CEP85L: variants seen among roughly 807,000 people sequenced by gnomAD.
CEP85L encodes the protein centrosomal protein 85L.
In CEP85L, 60 loss-of-function variants were observed where a neutral mutation model predicts 100.3. The ratio of observed to expected loss-of-function variants is 0.60; its 90% CI spans 0.49 to 0.74. CEP85L has a LOEUF of 0.74. CEP85L is among the 30% of genes least tolerant of loss of function. CEP85L has a pLI of 0.00. For missense variants in CEP85L, 973 were observed against 936.2 expected (o/e 1.04, Z -0.51); for synonymous variants, 319 against 322.7 (o/e 0.99, Z 0.12).
At chr6:118,648,054 G>A (rs1400218562) in intron 1 of CEP85L, among the ~76,000 whole-genome samples, 2 of 151,884 alleles carry the variant, frequency 1.3e-5, no homozygotes, top group African/African-American at 2.4e-5. Flanking sequence ...AGGAGTTCGC[G>A]ACCAGCATGG....
chr6:118,507,896 C>T (rs1775751218), intron 5 of CEP85L, among the ~76,000 whole-genome samples: 1 of 152,180 alleles, frequency 6.6e-6, no homozygotes, highest in South Asian at 2.1e-4. Flanking sequence ...TGCGAATCAA[C>T]ACACTGCAAC....
chr6:118,465,618 A>G, intron 12 of CEP85L, 50 bp from the exon 13 acceptor site: 1 of 1,571,246 alleles, frequency 6.4e-7, no homozygotes, highest in Non-Finnish European at 8.7e-7. Flanking sequence ...TTGAACAAAG[A>G]CATTTTAGAA....
intron 2 of CEP85L, among the ~76,000 whole-genome samples, chr6:118,567,197 GAATATATATGTA>G (rs1779561582): frequency 7.7e-6 from 1 of 129,636 alleles, no homozygotes; most frequent in African/African-American, 3.0e-5. Context: ...ATATATGTAT[GAATATATATGTA>G]TGTGTGTGTG....
chr6:118,484,119 G>A lies in CEP85L; in HGVS notation c.1438-261C>T, dbSNP rs1207990374. 2.6e-5 allele frequency among the ~76,000 whole-genome samples: 4 copies of A among 152,108 alleles called. No individual in the cohort carries two copies. In the East Asian group the frequency reaches 7.7e-4, roughly 29 times the overall value. On this transcript the variant is annotated intron_variant, in intron 6 of 12. Coordinates refer to ENST00000368491, the MANE Select transcript of CEP85L (RefSeq NM_001042475.3). ...GAGGTCAGGAGCTTGAGACCAGCCTGGCCAATATGGCAAAACCCTGTCTCT... is the reference window on the plus strand; with the variant it reads ...GAGGTCAGGAGCTTGAGACCAGCCTAGCCAATATGGCAAAACCCTGTCTCT...
intron 3 of CEP85L, among the ~76,000 whole-genome samples, chr6:118,532,494 G>A (rs1196005324): frequency 6.6e-6 from 1 of 152,068 alleles, no homozygotes; most frequent in African/African-American, 2.4e-5. Context: ...ACCTGGTTAT[G>A]TACCCCTGAA....
At chr6:118,703,815 C>G (rs1306172793) in intron 1 of CEP85L, among the ~76,000 whole-genome samples, 4 of 152,054 alleles carry the variant, frequency 2.6e-5, no homozygotes, top group Non-Finnish European at 5.9e-5. Context: ...AAATAAAATC[C>G]TTAACCAATT....
At chr6:118,480,274 CTATG>C in intron 9 of CEP85L, 118 bp downstream of exon 9, 1 of 548,186 alleles carries the variant, frequency 1.8e-6, no homozygotes, top group Non-Finnish European at 3.1e-6. Context: ...AAACTAGAAA[CTATG>C]TAAGTGATTA....
At chr6:118,533,570 G>GA (rs898611539) in intron 3 of CEP85L, among the ~76,000 whole-genome samples, 5 of 151,664 alleles carry the variant, frequency 3.3e-5, no homozygotes, top group Admixed American at 2.0e-4. Context: ...CTCAGAGGCG[G>GA]AAAAAAAATG....
intron 4 of CEP85L, among the ~76,000 whole-genome samples, chr6:118,521,522 A>G (rs1319009382): frequency 6.6e-6 from 1 of 152,196 alleles, no homozygotes; most frequent in Non-Finnish European, 1.5e-5. Flanking sequence ...TACCCTTCCT[A>G]TATTACTAAT....
In CEP85L at chr6:118,681,744, A is replaced by C. The variant is rs564187873; in HGVS notation, c.-28+28292T>G. Among the ~76,000 whole-genome samples the C allele has an allele frequency of 1.3e-4, 16 of 127,030 alleles. No homozygotes were observed. In the East Asian group the frequency reaches 2.9e-3, roughly 23 times the overall value. 83.3% of individuals were successfully genotyped at this position (127,030 alleles called of 152,430 possible). ...CCTTAATTATTATTCTATTATAATT[A>C]TTTCTTTTTTTTTTTTTTTTTTTGA... On this transcript the variant is annotated intron_variant, in intron 1 of 13. Coordinates refer to the CEP85L transcript ENST00000368488.
chr6:118,693,037 G>A (rs74347282), intron 1 of CEP85L, among the ~76,000 whole-genome samples: 4,290 of 152,314 alleles, frequency 0.028, 93 homozygotes, highest in African/African-American at 0.051. Context: ...TCCAGCTGCT[G>A]AGATGCGGCA....
In CEP85L at chr6:118,546,124, T is replaced by TG. The variant is rs562030433; in HGVS notation, c.1020+19404_1020+19405insC. ...ATTAAAAACAATGTTCAGTTAAAAC[T>TG]AAAATCTAATACTTCCTAGAGTTCC... On this transcript the variant is annotated intron_variant, in intron 3 of 12. Transcript: ENST00000368491. Among the ~76,000 whole-genome samples, 303 of 152,260 alleles carry TG rather than the reference T, an allele frequency of 2.0e-3. 1 individual carries two copies. The highest frequency in any genetic ancestry group is 6.9e-3 in the African/African-American group (287 of 41,556).
intron 4 of CEP85L, among the ~76,000 whole-genome samples, chr6:118,517,086 G>A (rs568046444): frequency 4.5e-4 from 69 of 152,148 alleles, no homozygotes; most frequent in Non-Finnish European, 9.3e-4. Flanking sequence ...TGAGGCCTCT[G>A]TTCTGTTCCA....
rs796333039 is a variant in CEP85L, at chr6:118,616,106, A to AT, written c.232+16346dup. 4.6e-5 allele frequency among the ~76,000 whole-genome samples: 7 copies of AT among 152,326 alleles called. No homozygotes were observed. In the South Asian group the frequency reaches 1.5e-3, roughly 32 times the overall value. On this transcript the variant is annotated intron_variant, in intron 2 of 12. Coordinates refer to ENST00000368491, the MANE Select transcript of CEP85L (RefSeq NM_001042475.3). ...TGGATCACAAATATAATAATAAAAT[A>AT]TTTAAGAAAAAAATGAGAAAATATC...
intron 2 of CEP85L, among the ~76,000 whole-genome samples, chr6:118,578,583 G>C (rs1350687359): frequency 2.0e-5 from 3 of 152,060 alleles, no homozygotes; most frequent in African/African-American, 7.2e-5. Context: ...ACAAAAATTA[G>C]CTGGGCGTGG....
chr6:118,589,910 G>A, intron 2 of CEP85L, among the ~76,000 whole-genome samples: 1 of 152,140 alleles, frequency 6.6e-6, no homozygotes, highest in Non-Finnish European at 1.5e-5. Flanking sequence ...ATTTCTGTTT[G>A]TGTATCCATG....
chr6:118,709,066 A>C (rs749942691), intron 1 of CEP85L, among the ~76,000 whole-genome samples: 1 of 152,222 alleles, frequency 6.6e-6, no homozygotes, highest in Non-Finnish European at 1.5e-5. Context: ...AGATCTCGGA[A>C]AGGGACTGAC....
At chr6:118,634,973 A>C (rs192185939) in intron 1 of CEP85L, among the ~76,000 whole-genome samples, 1 of 152,318 alleles carries the variant, frequency 6.6e-6, no homozygotes, top group Non-Finnish European at 1.5e-5. Flanking sequence ...AATTTTCTGG[A>C]TTTTTAAAAC....
intron 5 of CEP85L, among the ~76,000 whole-genome samples, chr6:118,505,970 T>C (rs1019519104): frequency 1.3e-5 from 2 of 151,894 alleles, no homozygotes; most frequent in African/African-American, 4.8e-5. Context: ...GTGGGGGAGG[T>C]TGAGCACGTG....
Sources: gnomAD v4.1 joint callset for allele counts (sites outside exome capture counted in the v4.1 genomes callset) on GRCh38, gnomAD v4.1.1 for gene constraint, MANE v1.5 for transcripts, NCBI Gene and HGNC (gene_info 2026-07-23, HGNC 2026-07-21) for gene names.